The following TMCO4 variants were observed in gnomAD, a reference collection of about 807,000 sequenced individuals.
TMCO4 encodes the protein transmembrane and coiled-coil domains 4, also known as transmembrane and coiled-coil domain-containing protein 4.
Under a neutral mutation model 64.7 loss-of-function variants are expected in TMCO4, and 58 were observed. The observed-to-expected ratio is 0.90, with a 90% CI of 0.73 to 1.12. The LOEUF (loss-of-function observed/expected upper bound fraction) is 1.12, where lower values mean the gene tolerates loss of function less well. Among genes scored for constraint, TMCO4 ranks in the 50% most tolerant of loss-of-function variants. The probability of loss-of-function intolerance (pLI) is 0.00; values close to 1 mark genes in which losing one functional copy is unlikely to be tolerated. For synonymous variants in TMCO4, 325 were observed against 346.1 expected, an observed-to-expected ratio of 0.94 and a Z score of 0.68; for missense variants, 780 against 825.9, an observed-to-expected ratio of 0.94 and a Z score of 0.68.
intron 7 of TMCO4, among the ~76,000 whole-genome samples, chr1:19,754,733 C>T (rs1052432760): frequency 6.6e-6 from 1 of 152,190 alleles, no homozygotes; most frequent in Non-Finnish European, 1.5e-5. Context: ...TCCTTCTACA[C>T]ATTCTTGACC....
At chr1:19,716,190 T>A (rs532600676) in intron 13 of TMCO4, among the ~76,000 whole-genome samples, 3,191 of 144,618 alleles carry the variant, frequency 0.022, 64 homozygotes, top group South Asian at 0.085. Flanking sequence ...ATTATTAATT[T>A]ATTTATTTTT....
At chr1:19,697,193 A>G (rs1456158619) in intron 14 of TMCO4, among the ~76,000 whole-genome samples, 3 of 152,136 alleles carry the variant, frequency 2.0e-5, no homozygotes, top group African/African-American at 7.2e-5. Flanking sequence ...TCCTATAGCC[A>G]TCCTTTCAAA....
At chr1:19,687,896 G>C (rs751778891) in intron 15 of TMCO4, among the ~76,000 whole-genome samples, 1 of 152,196 alleles carries the variant, frequency 6.6e-6, no homozygotes, top group Non-Finnish European at 1.5e-5. Context: ...CCTAGTCCCT[G>C]AGCCACCCCT....
At chr1:19,760,323 C>G (rs747791757) in intron 6 of TMCO4, among the ~76,000 whole-genome samples, 1 of 152,192 alleles carries the variant, frequency 6.6e-6, no homozygotes, top group Admixed American at 6.5e-5. Flanking sequence ...CTGGAACACT[C>G]AGTTCCTTCC....
intron 13 of TMCO4, among the ~76,000 whole-genome samples, chr1:19,702,283 TA>T (rs1309634990): frequency 0.033 from 1,042 of 31,324 alleles, 13 homozygotes; most frequent in South Asian, 0.077. Context: ...CTCTTGTCTT[TA>T]CAAAAAAAAA....
chr1:19,755,893 A>T, intron 6 of TMCO4, 127 bp from the exon 7 acceptor site: 1 of 1,042,396 alleles, frequency 9.6e-7, no homozygotes, highest in Non-Finnish European at 1.4e-6. Flanking sequence ...GAGCCAGTCA[A>T]TGAAAAAAAT....
At chr1:19,687,918 C>G (rs567172895) in intron 15 of TMCO4, among the ~76,000 whole-genome samples, 2 of 152,274 alleles carry the variant, frequency 1.3e-5, no homozygotes, top group East Asian at 3.9e-4. Context: ...TGCAAAGACC[C>G]AGGGGAGCAG....
rs1409053006 is a variant in TMCO4, at chr1:19,734,426, G to A, written c.1264+2946C>T. Among the ~76,000 whole-genome samples the A allele has an allele frequency of 1.3e-5, 2 of 152,102 alleles. No individual in the cohort carries two copies. The highest frequency in any genetic ancestry group is 4.8e-5 in the African/African-American group (2 of 41,426). On this transcript the variant is annotated intron_variant, in intron 13 of 15. Transcript: ENST00000294543. This position sits in a 1 kb window ranked among gnomAD's most constrained non-coding sequence, Gnocchi z 4.4. ...TGTGCGCATGTGTGTGAACTGTAGGGTGCCCAGCACCAGTGCCCCCGGGTC... is the reference window on the plus strand; with the variant it reads ...TGTGCGCATGTGTGTGAACTGTAGGATGCCCAGCACCAGTGCCCCCGGGTC...
intron 1 of TMCO4, among the ~76,000 whole-genome samples, chr1:19,798,818 A>T (rs1400913768): frequency 6.6e-6 from 1 of 152,222 alleles, no homozygotes; most frequent in East Asian, 1.9e-4. Context: ...TCACTGCTGT[A>T]TCCTCGTTGC....
chr1:19,716,038 C>T (rs1026359341), intron 13 of TMCO4, among the ~76,000 whole-genome samples: 1 of 152,028 alleles, frequency 6.6e-6, no homozygotes. Flanking sequence ...AGGGACAGGC[C>T]GGGTGCACTG....
intron 14 of TMCO4, among the ~76,000 whole-genome samples, chr1:19,696,460 G>A (rs1226515794): frequency 6.6e-6 from 1 of 152,066 alleles, no homozygotes; most frequent in Non-Finnish European, 1.5e-5. Context: ...TGAGGCAGGA[G>A]GATCATCTAA....
At chr1:19,706,563 G>A (rs1279542447) in intron 13 of TMCO4, among the ~76,000 whole-genome samples, 2 of 152,168 alleles carry the variant, frequency 1.3e-5, no homozygotes, top group Non-Finnish European at 2.9e-5. Context: ...GACATGTAGA[G>A]CGTTTATGCT....
At chr1:19,694,685 A>G in intron 14 of TMCO4, 134 bp from the exon 15 acceptor site, 1 of 744,778 alleles carries the variant, frequency 1.3e-6, no homozygotes, top group Non-Finnish European at 2.2e-6. Flanking sequence ...CCCTGATTGC[A>G]CGGTGGGGAT....
At chr1:19,781,420 T>A (rs930350150) in intron 3 of TMCO4, among the ~76,000 whole-genome samples, 1 of 150,570 alleles carries the variant, frequency 6.6e-6, no homozygotes, top group African/African-American at 2.4e-5. Context: ...TGAGCTATGA[T>A]CATTGCACTC....
intron 13 of TMCO4, among the ~76,000 whole-genome samples, chr1:19,723,053 C>G (rs550551380): frequency 6.6e-6 from 1 of 152,326 alleles, no homozygotes; most frequent in East Asian, 1.9e-4. Flanking sequence ...CCTCCCTCCT[C>G]TGAGCAAGGC....
intron 13 of TMCO4, among the ~76,000 whole-genome samples, chr1:19,712,617 C>T (rs1053613595): frequency 1.7e-4 from 22 of 127,002 alleles, no homozygotes; most frequent in African/African-American, 5.8e-4. Context: ...GAGACTCCGT[C>T]TCAAAAAAAA....
chr1:19,719,597 T>C (rs1447927810), intron 13 of TMCO4, among the ~76,000 whole-genome samples: 1 of 152,070 alleles, frequency 6.6e-6, no homozygotes. Context: ...GGTGCGATCA[T>C]AGCCTGCTGC....
In TMCO4 at chr1:19,757,165, G is replaced by GC. The variant is rs2042297610; in HGVS notation, c.383-1400_383-1399insG. Reference sequence around the variant, plus strand: ...AATTAGCCAGGCGTGGTGGCGGGGGGGGGCGCCTGTAATTTCCAGCAACTT... The same window carrying GC: ...AATTAGCCAGGCGTGGTGGCGGGGGGCGGGCGCCTGTAATTTCCAGCAACTT... On this transcript the variant is annotated intron_variant, in intron 6 of 15. Transcript: ENST00000294543. Among the ~76,000 whole-genome samples, 7 of 150,772 alleles carry GC rather than the reference G, an allele frequency of 4.6e-5. No individual in the cohort carries two copies. The South Asian group carries it at 1.5e-3, about 32-fold the overall frequency.
intron 13 of TMCO4, among the ~76,000 whole-genome samples, chr1:19,731,091 C>T (rs2095428052): frequency 6.6e-6 from 1 of 152,126 alleles, no homozygotes; most frequent in Admixed American, 6.5e-5. Flanking sequence ...CATTGACGAT[C>T]TCGACCATCT....
Sources: allele counts gnomAD v4.1 joint callset (sites outside exome capture counted in the v4.1 genomes callset), GRCh38; gene constraint gnomAD v4.1.1; non-coding constraint Gnocchi (gnomAD v3.1); transcripts MANE v1.5; gene names NCBI Gene and HGNC (gene_info 2026-07-23, HGNC 2026-07-21).